ILDR1: variants seen among roughly 807,000 people sequenced by gnomAD.
ILDR1 encodes immunoglobulin like domain containing receptor 1, also known as immunoglobulin-like domain-containing receptor 1.
In ILDR1, 56 loss-of-function variants were observed where a neutral mutation model predicts 62.4. The ratio of observed to expected loss-of-function variants is 0.90; its 90% CI spans 0.72 to 1.12. The LOEUF (loss-of-function observed/expected upper bound fraction) is 1.12. ILDR1 is among the 50% of genes most tolerant of loss of function. ILDR1 has a pLI of 0.00. For synonymous variants in ILDR1, 284 were observed against 277.8 expected (o/e 1.02, Z -0.22); for missense variants, 736 against 710.6 (o/e 1.04, Z -0.41).
chr3:121,993,255 G>T lies in ILDR1; in HGVS notation c.1494C>A (p.Gly498=), dbSNP rs1489060959. ...QPQSWRAHRR[G]SHSPHWPEEK... ...CCTCGGGCCAGTGTGGGGAGTGCGA[G>T]CCGCGGCGGTGGGCCCGCCAGCTCT... is the stretch of plus-strand genomic sequence containing the variant. The change falls in exon 7 of 8, where the codon GGC becomes GGA. Residue 498 remains glycine (G), a synonymous_variant. Transcript: ENST00000344209. 1 of 1,613,640 alleles carries T rather than the reference G, an allele frequency of 6.2e-7. No individual in the cohort carries two copies. Among genetic ancestry groups the T allele is most frequent in the Admixed American group, 1.7e-5 (1 of 60,008 alleles).
chr3:122,053,325 G>A, the ILDR1 span, among the ~76,000 whole-genome samples: 1 of 151,998 alleles, frequency 6.6e-6, no homozygotes, highest in Non-Finnish European at 1.5e-5. Flanking sequence ...CTGCAAAGTT[G>A]TAGGAGTTTT....
chr3:122,001,225 T>C, intron 5 of ILDR1, 83 bp downstream of exon 5: 2 of 1,492,064 alleles, frequency 1.3e-6, no homozygotes, highest in African/African-American at 2.8e-5. Flanking sequence ...TGGAAGAATC[T>C]TTGACCTGGC....
intron 7 of ILDR1, 81 bp from the exon 8 acceptor site, chr3:121,988,489 G>C (rs1203589764): frequency 1.7e-6 from 2 of 1,162,526 alleles, no homozygotes; most frequent in African/African-American, 3.0e-5. Context: ...ATGTGCTCTT[G>C]ATTTACAAAT....
chr3:122,047,404 A>G, the ILDR1 span, among the ~76,000 whole-genome samples: 2 of 152,254 alleles, frequency 1.3e-5, no homozygotes, highest in African/African-American at 2.4e-5. Flanking sequence ...TGGAGCCTAC[A>G]GAGACAGGCA....
At chr3:122,038,407 T>TA in the ILDR1 span, among the ~76,000 whole-genome samples, 1 of 152,196 alleles carries the variant, frequency 6.6e-6, no homozygotes, top group African/African-American at 2.4e-5. Flanking sequence ...TTGAAGCCTA[T>TA]AGTGCACTGA....
the ILDR1 span, among the ~76,000 whole-genome samples, chr3:122,061,058 C>T: frequency 6.6e-6 from 1 of 152,100 alleles, no homozygotes; most frequent in Non-Finnish European, 1.5e-5. Flanking sequence ...TGTCACAGCT[C>T]TATATTATTA....
At chr3:121,989,262 T>C (rs1233373677) in intron 7 of ILDR1, among the ~76,000 whole-genome samples, 1 of 152,228 alleles carries the variant, frequency 6.6e-6, no homozygotes. Context: ...AAATGTTCTC[T>C]GACATAACGG....
chr3:122,009,330 C>CACACACAT (rs1376534632), intron 1 of ILDR1, among the ~76,000 whole-genome samples: 77 of 143,868 alleles, frequency 5.4e-4, no homozygotes, highest in Non-Finnish European at 1.6e-4. Context: ...TTAAAACACA[C>CACACACAT]ACACACACAC....
At chr3:122,037,948 CTCTG>C in the ILDR1 span, among the ~76,000 whole-genome samples, 4 of 151,136 alleles carry the variant, frequency 2.6e-5, no homozygotes, top group African/African-American at 4.9e-5. Flanking sequence ...GTCTCTCTGT[CTCTG>C]TCTCTCTCTC....
intron 3 of ILDR1, among the ~76,000 whole-genome samples, chr3:122,002,720 T>C (rs961744745): frequency 1.3e-5 from 2 of 151,972 alleles, no homozygotes; most frequent in African/African-American, 4.8e-5. Flanking sequence ...ATCACCTCGG[T>C]ATAAAGCCAA....
intron 5 of ILDR1, among the ~76,000 whole-genome samples, chr3:121,996,664 A>C (rs1332047600): frequency 6.6e-6 from 1 of 152,206 alleles, no homozygotes; most frequent in Non-Finnish European, 1.5e-5. Context: ...AGTCACCCTT[A>C]ATGAGCTTGT....
At chr3:122,046,997 G>T in the ILDR1 span, among the ~76,000 whole-genome samples, 9 of 145,908 alleles carry the variant, frequency 6.2e-5, no homozygotes, top group African/African-American at 2.3e-4. Context: ...GAGGCGCTCT[G>T]CATTTTAGAG....
chr3:122,032,204 C>T, the ILDR1 span, among the ~76,000 whole-genome samples: 3 of 152,170 alleles, frequency 2.0e-5, no homozygotes, highest in African/African-American at 7.2e-5. Flanking sequence ...CTCCTTTTAA[C>T]ATTTATATAA....
Position 121,993,529 on chromosome 3 carries a change from C to A in ILDR1, c.1220G>T (p.Arg407Met). ...PSWSGRHRSSRLNGSPIHWSD... is the reference protein window; with the variant it reads ...PSWSGRHRSSMLNGSPIHWSD... ...CCAGTGTATGGGTGACCCATTCAGCCTAGAGCTACGGTGCCTTCCACTCCA... is the reference window on the plus strand; with the variant it reads ...CCAGTGTATGGGTGACCCATTCAGCATAGAGCTACGGTGCCTTCCACTCCA... Residue 407 changes from arginine (R) to methionine (M), a missense_variant, in exon 7 of 8, where the codon AGG becomes ATG. Arg to Met is a moderately conservative substitution (Grantham distance 91, BLOSUM62 -1). Coordinates refer to ENST00000344209, the MANE Select transcript of ILDR1 (RefSeq NM_001199799.2). 6.2e-7 allele frequency: 1 copy of A among 1,614,242 alleles called. No homozygotes were observed. The highest frequency in any genetic ancestry group is 8.5e-7 in the Non-Finnish European group (1 of 1,180,040).
In ILDR1 at chr3:121,989,893, G is replaced by C. The variant is rs373233279; in HGVS notation, c.1600-1485C>G. ...TCAAATATTACTCTTGAGAGAGAAGGTTCCACATGAACAACAACAAAAAAA... is the reference window on the plus strand; with the variant it reads ...TCAAATATTACTCTTGAGAGAGAAGCTTCCACATGAACAACAACAAAAAAA... On this transcript the variant is annotated intron_variant, in intron 7 of 7. Transcript: ENST00000344209. 5.3e-5 allele frequency among the ~76,000 whole-genome samples: 8 copies of C among 152,260 alleles called. 1 individual carries two copies. Among genetic ancestry groups the C allele is most frequent in the African/African-American group, 1.9e-4 (8 of 41,542 alleles).
chr3:122,030,996 G>T, the ILDR1 span, among the ~76,000 whole-genome samples: 2 of 152,154 alleles, frequency 1.3e-5, no homozygotes, highest in East Asian at 3.9e-4. Context: ...TTCTATCTCA[G>T]CTTCTCTTTG....
At chr3:122,005,534 A>C in intron 2 of ILDR1, 141 bp from the exon 3 acceptor site, 2 of 809,414 alleles carry the variant, frequency 2.5e-6, no homozygotes, top group Non-Finnish European at 4.0e-6. Flanking sequence ...ACTCTTGTTA[A>C]TCACGAAGAT....
chr3:122,041,253 C>T, the ILDR1 span, among the ~76,000 whole-genome samples: 5 of 152,182 alleles, frequency 3.3e-5, no homozygotes, highest in African/African-American at 9.7e-5. Flanking sequence ...GTCATGAGGA[C>T]TCCCTCCCTT....
chr3:122,013,651 C>T lies in ILDR1; in HGVS notation c.59-6490G>A, dbSNP rs368057715. Among the ~76,000 whole-genome samples the T allele has an allele frequency of 2.5e-4, 38 of 151,876 alleles. 1 individual carries two copies. The highest frequency in any genetic ancestry group is 2.8e-4 in the Non-Finnish European group (19 of 67,990). ...GGGACTAGCTATGAACAAGAAGGAGCAAGACAAGAAGTGACTAGCTATGGA... is the reference window on the plus strand; with the variant it reads ...GGGACTAGCTATGAACAAGAAGGAGTAAGACAAGAAGTGACTAGCTATGGA... On this transcript the variant is annotated intron_variant, in intron 1 of 7. Transcript: ENST00000344209.
Sources: allele counts gnomAD v4.1 joint callset (sites outside exome capture counted in the v4.1 genomes callset), GRCh38; gene constraint gnomAD v4.1.1; transcripts MANE v1.5; gene names NCBI Gene and HGNC (gene_info 2026-07-23, HGNC 2026-07-21).